Variants in ZMYM4 observed in about 807,000 individuals in gnomAD.
The protein encoded by ZMYM4 is zinc finger MYM-type protein 4.
ZMYM4 carries 31 observed loss-of-function variants against 183.2 expected under a neutral mutation model. The ratio of observed to expected loss-of-function variants is 0.17; its 90% CI spans 0.13 to 0.23. The LOEUF (loss-of-function observed/expected upper bound fraction) is 0.23. ZMYM4 is among the 10% of genes least tolerant of loss of function. The pLI, the probability that ZMYM4 is intolerant of heterozygous loss-of-function variation, is 1.00. For missense variants in ZMYM4, 1,273 were observed against 1,840.3 expected, an observed-to-expected ratio of 0.69 and a Z score of 5.64; for synonymous variants, 592 against 631.2, an observed-to-expected ratio of 0.94 and a Z score of 0.93.
At position 35,382,170 on chromosome 1, in the gene ZMYM4, A is replaced by G. The variant is rs558236397; in HGVS notation, c.1569+412A>G. On this transcript the variant is annotated intron_variant, in intron 9 of 29. Coordinates refer to ENST00000314607, the MANE Select transcript of ZMYM4 (RefSeq NM_005095.3). The stretch of plus-strand genomic sequence containing the variant: ...CAAAAAAAAAAAAACAAAAATGTAT[A>G]TATACACACATACACACACACACAC... Among the ~76,000 whole-genome samples the G allele has an allele frequency of 1.2e-3, 160 of 128,382 alleles. 1 individual carries two copies. In the South Asian group the frequency reaches 0.014, roughly 11 times the overall value. 84.2% of individuals were successfully genotyped at this position (128,382 alleles called of 152,430 possible).
Position 35,358,949 on chromosome 1 carries a change from T to C in ZMYM4, c.110T>C (p.Met37Thr), listed in dbSNP as rs1193911468. The change falls in exon 3 of 30, where the codon ATG becomes ACG. Residue 37 changes from methionine to threonine, a missense_variant. This residue lies in a region of ZMYM4 where 384 missense variants were observed against 465.6 expected (regional missense o/e 0.82). Transcript: ENST00000314607. Reference protein sequence around the residue: ...ENCGGIMDTEMSEDIDHNLTP... With the variant: ...ENCGGIMDTETSEDIDHNLTP... ...GGTGGTGGTATCATGGATACAGAAATGTCTGAAGATATAGACCACAACTTA... is the reference window on the plus strand; with the variant it reads ...GGTGGTGGTATCATGGATACAGAAACGTCTGAAGATATAGACCACAACTTA... 6.2e-6 allele frequency: 10 copies of C among 1,613,026 alleles called. No individual in the cohort carries two copies. Among genetic ancestry groups the C allele is most frequent in the Non-Finnish European group, 8.5e-6 (10 of 1,179,330 alleles).
chr1:35,353,566 A>G (rs1037276220), intron 2 of ZMYM4, among the ~76,000 whole-genome samples: 1 of 152,176 alleles, frequency 6.6e-6, no homozygotes, highest in African/African-American at 2.4e-5. Flanking sequence ...TACGCCAAGC[A>G]TACTCACAGT....
intron 1 of ZMYM4, among the ~76,000 whole-genome samples, chr1:35,312,141 T>G (rs879162887): frequency 1.3e-5 from 2 of 152,152 alleles, no homozygotes; most frequent in Non-Finnish European, 2.9e-5. Context: ...TTCAAAGATT[T>G]TTGTTGTTGT....
At chr1:35,287,205 G>A (rs1640545471) in intron 1 of ZMYM4, among the ~76,000 whole-genome samples, 1 of 150,664 alleles carries the variant, frequency 6.6e-6, no homozygotes, top group Admixed American at 6.6e-5. Context: ...TTCTACAATA[G>A]TGGTTTTACT....
At position 35,370,726 on chromosome 1, in the gene ZMYM4, C is replaced by T. The variant is rs1406017821; in HGVS notation, c.1181+99C>T. On this transcript the variant is annotated intron_variant, in intron 7 of 29. Coordinates refer to ENST00000314607, the MANE Select transcript of ZMYM4 (RefSeq NM_005095.3). ...TTACATTTGATATTCTACATTTATT[C>T]CTTTTTTTTTTTTTTTTTTTTTTGA... is the stretch of plus-strand genomic sequence containing the variant. 144 of 630,358 alleles carry T rather than the reference C, an allele frequency of 2.3e-4. No homozygotes were observed. In the African/African-American group the frequency reaches 3.4e-3, roughly 15 times the overall value. 39.0% of individuals were successfully genotyped at this position (630,358 alleles called of 1,614,324 possible).
At chr1:35,352,275 A>T (rs909347277) in intron 2 of ZMYM4, among the ~76,000 whole-genome samples, 14 of 23,766 alleles carry the variant, frequency 5.9e-4, no homozygotes, top group Non-Finnish European at 8.8e-4. Context: ...GCGCGCACAC[A>T]CACACACACA....
chr1:35,295,605 C>A (rs766452259), intron 1 of ZMYM4, among the ~76,000 whole-genome samples: 1 of 152,184 alleles, frequency 6.6e-6, no homozygotes, highest in Non-Finnish European at 1.5e-5. Flanking sequence ...TGCCTCCAGA[C>A]ATTGTCAGAT....
intron 2 of ZMYM4, among the ~76,000 whole-genome samples, chr1:35,350,083 C>T (rs963990620): frequency 7.9e-5 from 12 of 151,626 alleles, no homozygotes; most frequent in Admixed American, 1.3e-4. Context: ...CTGCCTCAGC[C>T]TCTTGAGTAG....
At chr1:35,399,096 A>G (rs1006733588) in intron 22 of ZMYM4, 53 bp downstream of exon 22, 51 of 1,562,944 alleles carry the variant, frequency 3.3e-5, no homozygotes, top group South Asian at 8.1e-5. Context: ...AAAGATCGGT[A>G]CAACTCTGAA....
At chr1:35,369,588 A>G (rs1644160198) in intron 5 of ZMYM4, among the ~76,000 whole-genome samples, 1 of 152,094 alleles carries the variant, frequency 6.6e-6, no homozygotes, top group Non-Finnish European at 1.5e-5. Flanking sequence ...AAACCTCTGC[A>G]TTGAGGAGGG....
intron 27 of ZMYM4, 78 bp downstream of exon 27, chr1:35,414,161 A>T (rs1201496369): frequency 8.9e-6 from 8 of 895,086 alleles, no homozygotes; most frequent in Admixed American, 2.7e-5. Context: ...CTTTAAAAAA[A>T]TTGTTCATTT....
chr1:35,295,358 GTA>G (rs1346712192), intron 1 of ZMYM4, among the ~76,000 whole-genome samples: 1 of 152,156 alleles, frequency 6.6e-6, no homozygotes, highest in East Asian at 1.9e-4. Flanking sequence ...GGAGAGTGTT[GTA>G]TATGTTTTGT....
chr1:35,311,403 C>T (rs981352065), intron 1 of ZMYM4, among the ~76,000 whole-genome samples: 1 of 136,314 alleles, frequency 7.3e-6, no homozygotes, highest in Non-Finnish European at 1.6e-5. Flanking sequence ...GCCTCGGCAA[C>T]AAGAGCAAAA....
chr1:35,310,944 C>T (rs747203296), intron 1 of ZMYM4, among the ~76,000 whole-genome samples: 2 of 152,030 alleles, frequency 1.3e-5, no homozygotes, highest in Non-Finnish European at 2.9e-5. Context: ...ACATTTGGTG[C>T]ATACTGGATT....
At chr1:35,399,092 CG>C (rs1644857827) in intron 22 of ZMYM4, 49 bp downstream of exon 22, 1 of 1,568,000 alleles carries the variant, frequency 6.4e-7, no homozygotes, top group Non-Finnish European at 8.7e-7. Flanking sequence ...TTTAAAAGAT[CG>C]GTACAACTCT....
chr1:35,398,355 T>C (rs1334563671), intron 20 of ZMYM4, 58 bp from the exon 21 acceptor site: 9 of 1,466,102 alleles, frequency 6.1e-6, no homozygotes, highest in Non-Finnish European at 8.5e-6. Context: ...GTCATTTCAT[T>C]TGAGATATAA....
intron 1 of ZMYM4, among the ~76,000 whole-genome samples, chr1:35,311,746 A>T (rs1641810808): frequency 6.6e-6 from 1 of 152,216 alleles, no homozygotes; most frequent in Admixed American, 6.5e-5. Flanking sequence ...AACATAGGTT[A>T]AAGAAGTGAA....
intron 1 of ZMYM4, among the ~76,000 whole-genome samples, chr1:35,307,293 G>T (rs959745095): frequency 6.6e-6 from 1 of 152,016 alleles, no homozygotes; most frequent in African/African-American, 2.4e-5. Context: ...GTGAAAATTT[G>T]GTAGGTTTAG....
At chr1:35,355,200 CTTTTTTTTTTTTTT>C (rs1013941289) in intron 2 of ZMYM4, among the ~76,000 whole-genome samples, 2 of 77,198 alleles carry the variant, frequency 2.6e-5, no homozygotes, top group Non-Finnish European at 5.2e-5. Context: ...CGCCTGGCTT[CTTTTTTTTTTTTTT>C]TTTTTTTTTT....
Sources: gnomAD v4.1 joint callset for allele counts (sites outside exome capture counted in the v4.1 genomes callset) on GRCh38, gnomAD v4.1.1 for gene constraint, gnomAD v4.1.1 regional missense constraint, MANE v1.5 for transcripts, NCBI Gene and HGNC (gene_info 2026-07-23, HGNC 2026-07-21) for gene names.